Variants in ZNF462 observed in about 807,000 individuals in gnomAD.
The protein encoded by ZNF462 is zinc finger PBX1-interacting protein.
In ZNF462, 10 loss-of-function variants were observed where a neutral mutation model predicts 201.9. That is an observed-to-expected ratio of 0.05 (90% confidence interval 0.03 to 0.08). The LOEUF is 0.08. ZNF462 is among the 10% of genes least tolerant of loss of function. The pLI, the probability that ZNF462 is intolerant of heterozygous loss-of-function variation, is 1.00. For missense variants in ZNF462, 2,523 were observed against 3,168.3 expected, an observed-to-expected ratio of 0.80 and a Z score of 4.89; for synonymous variants, 1,227 against 1,193.3, an observed-to-expected ratio of 1.03 and a Z score of -0.58.
chr9:106,878,264 A>C (rs1827925411), intron 1 of ZNF462, among the ~76,000 whole-genome samples: 1 of 152,202 alleles, frequency 6.6e-6, no homozygotes, highest in Non-Finnish European at 1.5e-5. Flanking sequence ...TATGTAAAGC[A>C]TTCAGCACCC....
At chr9:106,899,382 G>A (rs1432884408) in intron 1 of ZNF462, among the ~76,000 whole-genome samples, 2 of 152,258 alleles carry the variant, frequency 1.3e-5, no homozygotes, top group East Asian at 3.9e-4. Flanking sequence ...TCGCAGATGA[G>A]GCAGTGAGGA....
upstream of ZNF462, among the ~76,000 whole-genome samples, chr9:106,862,787 C>G (rs985272962): frequency 2.0e-5 from 3 of 152,178 alleles, no homozygotes; most frequent in African/African-American, 7.2e-5. This position sits in a 1 kb window ranked among gnomAD's most constrained non-coding sequence, Gnocchi z 4.2. Flanking sequence ...TCTTCTCGAG[C>G]TCTTGGATAA....
chr9:106,874,341 C>A (rs1212944735), intron 1 of ZNF462, among the ~76,000 whole-genome samples: 1 of 152,172 alleles, frequency 6.6e-6, no homozygotes, highest in Admixed American at 6.5e-5. Flanking sequence ...CAATGGGTTT[C>A]TTCAGTTTTC....
In ZNF462 at chr9:107,005,882, A is replaced by C. The variant is rs556520740; in HGVS notation, c.7189+2456A>C. On this transcript the variant is annotated intron_variant, in intron 11 of 12. Transcript: ENST00000277225. The surrounding 1 kb of genome is among the most constrained non-coding windows in gnomAD (Gnocchi z 4.4). ...GTATCTGGTGTGAGATAAGGATCTA[A>C]TTTCATTCTTCTGCATGTGGATATC... Among the ~76,000 whole-genome samples the C allele has an allele frequency of 6.6e-6, 1 of 152,274 alleles. No individual in the cohort carries two copies. The highest frequency in any genetic ancestry group is 2.1e-4 in the South Asian group (1 of 4,824).
chr9:106,966,249 A>G lies in ZNF462; in HGVS notation c.6428-5756A>G, dbSNP rs531267682. 6.6e-6 allele frequency among the ~76,000 whole-genome samples: 1 copy of G among 152,204 alleles called. No individual in the cohort carries two copies. Among genetic ancestry groups the G allele is most frequent in the South Asian group, 2.1e-4 (1 of 4,828 alleles). On this transcript the variant is annotated intron_variant, in intron 7 of 12. Transcript: ENST00000277225. This position sits in a 1 kb window ranked among gnomAD's most constrained non-coding sequence, Gnocchi z 4.4. ...CACAACCTACCCCACCCTCTGATGT[A>G]CATGTTTTTCTGTTCAGACTCATCA...
At chr9:106,916,047 T>G (rs193271433) in intron 1 of ZNF462, among the ~76,000 whole-genome samples, 2 of 152,176 alleles carry the variant, frequency 1.3e-5, no homozygotes, top group Non-Finnish European at 2.9e-5. Context: ...TCAGGGAGAT[T>G]AGATTGAGAT....
chr9:106,897,149 C>G (rs1828846948), intron 1 of ZNF462, among the ~76,000 whole-genome samples: 1 of 152,154 alleles, frequency 6.6e-6, no homozygotes, highest in Admixed American at 6.5e-5. Context: ...TCTTTTCAAC[C>G]TCCCTTTCAG....
At chr9:106,961,735 T>G (rs918288724) in intron 7 of ZNF462, among the ~76,000 whole-genome samples, 2 of 151,964 alleles carry the variant, frequency 1.3e-5, no homozygotes, top group Non-Finnish European at 2.9e-5. Flanking sequence ...AAATTAACCT[T>G]AATACAGCAT....
At chr9:107,001,180 T>C (rs1018106283) in intron 10 of ZNF462, among the ~76,000 whole-genome samples, 1 of 152,198 alleles carries the variant, frequency 6.6e-6, no homozygotes, top group African/African-American at 2.4e-5. Context: ...TCTTCAAATA[T>C]GTTTAAAAAT....
Position 106,902,324 on chromosome 9 carries a change from G to A in ZNF462, c.-30-21030G>A, listed in dbSNP as rs374065126. Among the ~76,000 whole-genome samples, 66 of 152,216 alleles carry A rather than the reference G, an allele frequency of 4.3e-4. No homozygotes were observed. In the East Asian group the frequency reaches 6.2e-3, roughly 14 times the overall value. ...ATATGTTGTTGAATTTGGTTAGCTAGTATTTTGTTAAGGATTTTAGCATCT... is the reference window on the plus strand; with the variant it reads ...ATATGTTGTTGAATTTGGTTAGCTAATATTTTGTTAAGGATTTTAGCATCT... On this transcript the variant is annotated intron_variant, in intron 1 of 12. Coordinates refer to ENST00000277225, the MANE Select transcript of ZNF462 (RefSeq NM_021224.6). The surrounding 1 kb of genome is among the most constrained non-coding windows in gnomAD (Gnocchi z 4.2).
chr9:106,983,925 T>TA (rs1447542991), intron 9 of ZNF462, among the ~76,000 whole-genome samples: 5 of 152,208 alleles, frequency 3.3e-5, no homozygotes, highest in Admixed American at 3.3e-4. Flanking sequence ...AAGCACCTAC[T>TA]AGCCCACCCC....
rs944084669 is a variant in ZNF462 at position 106,886,249 on chromosome 9, G to A, written c.-31+22894G>A. ...GCTGGGATTGTTACCTCACTGGACC[G>A]CTCTTTAAACTTTCTCTGTCTTTTC... On this transcript the variant is annotated intron_variant, in intron 1 of 12. Coordinates refer to ENST00000277225, the MANE Select transcript of ZNF462 (RefSeq NM_021224.6). The surrounding 1 kb of genome is among the most constrained non-coding windows in gnomAD (Gnocchi z 4.6). Among the ~76,000 whole-genome samples the A allele has an allele frequency of 5.3e-5, 8 of 152,114 alleles. No individual in the cohort carries two copies. Among genetic ancestry groups the A allele is most frequent in the African/African-American group, 1.9e-4 (8 of 41,418 alleles).
chr9:106,874,283 A>C (rs1458125707), intron 1 of ZNF462, among the ~76,000 whole-genome samples: 1 of 152,212 alleles, frequency 6.6e-6, no homozygotes, highest in Non-Finnish European at 1.5e-5. Context: ...AGGGCCTAGC[A>C]TTCTAGGATA....
chr9:106,950,138 T>A lies in ZNF462; in HGVS notation c.6427+11031T>A, dbSNP rs1831278028. On this transcript the variant is annotated intron_variant, in intron 7 of 12. Transcript: ENST00000277225. This position sits in a 1 kb window ranked among gnomAD's most constrained non-coding sequence, Gnocchi z 4.1. ...CTGCCCTTCCTCTGATGTTAGCCAG[T>A]CTTTCTGATTCTAACCTCCATCTTT... Among the ~76,000 whole-genome samples, 1 of 152,208 alleles carries A rather than the reference T, an allele frequency of 6.6e-6. No homozygotes were observed. Among genetic ancestry groups the A allele is most frequent in the Non-Finnish European group, 1.5e-5 (1 of 68,038 alleles).
chr9:106,988,861 G>C (rs1436483426), intron 10 of ZNF462, among the ~76,000 whole-genome samples: 1 of 152,074 alleles, frequency 6.6e-6, no homozygotes, highest in Non-Finnish European at 1.5e-5. Flanking sequence ...GTATGGAAGA[G>C]CTACTGATCT....
In ZNF462 at chr9:106,931,214, C is replaced by G. The variant is rs185111290; in HGVS notation, c.6012+525C>G. ...TTCAAGTCGCAATTGACCCTGAAAG[C>G]CTTGGTTTGTCTCCTCCATCCCCTC... On this transcript the variant is annotated intron_variant, in intron 4 of 12. Coordinates refer to ENST00000277225, the MANE Select transcript of ZNF462 (RefSeq NM_021224.6). 1.7e-3 allele frequency among the ~76,000 whole-genome samples: 252 copies of G among 152,244 alleles called. 1 individual carries two copies. Among genetic ancestry groups the G allele is most frequent in the Middle Eastern group, 0.014 (4 of 294 alleles).
intron 7 of ZNF462, among the ~76,000 whole-genome samples, chr9:106,942,634 C>T (rs1398193568): frequency 1.3e-5 from 2 of 152,208 alleles, no homozygotes; most frequent in Non-Finnish European, 2.9e-5. Flanking sequence ...GTTCCTTCTC[C>T]TGCCATATAC....
intron 7 of ZNF462, among the ~76,000 whole-genome samples, chr9:106,960,029 G>T (rs1312836859): frequency 1.3e-5 from 2 of 152,002 alleles, no homozygotes; most frequent in Non-Finnish European, 2.9e-5. Context: ...AGAAAAAAAG[G>T]GTTAAGAAAC....
chr9:106,867,249 G>A lies in ZNF462; in HGVS notation c.-31+3894G>A, dbSNP rs192872656. Among the ~76,000 whole-genome samples the A allele has an allele frequency of 1.3e-3, 193 of 152,134 alleles. 2 individuals are homozygous for A. The highest frequency in any genetic ancestry group is 4.3e-3 in the Admixed American group (66 of 15,294). On this transcript the variant is annotated intron_variant, in intron 1 of 12. Coordinates refer to ENST00000277225, the MANE Select transcript of ZNF462 (RefSeq NM_021224.6). ...CCATTTGAATTAAGACAAGTATTTT[G>A]AATAAACCACCATGAGAGAAATAAA...
Sources: allele counts gnomAD v4.1 joint callset (sites outside exome capture counted in the v4.1 genomes callset), GRCh38; gene constraint gnomAD v4.1.1; non-coding constraint Gnocchi (gnomAD v3.1); transcripts MANE v1.5; gene names NCBI Gene and HGNC (gene_info 2026-07-23, HGNC 2026-07-21).